SDCBP: variants seen among roughly 807,000 people sequenced by gnomAD.
SDCBP encodes syndecan binding protein, also known as syntenin-1.
SDCBP carries 22 observed loss-of-function variants against 30.5 expected under a neutral mutation model. That is an observed-to-expected ratio of 0.72 (90% confidence interval 0.52 to 1.03). The LOEUF (loss-of-function observed/expected upper bound fraction) is 1.03, where lower values mean the gene tolerates loss of function less well. Among genes scored for constraint, SDCBP ranks in the 50% least tolerant of loss-of-function variants. SDCBP has a pLI of 0.00. For synonymous variants in SDCBP, 103 were observed against 118.7 expected, an observed-to-expected ratio of 0.87 and a Z score of 0.86; for missense variants, 304 against 369.9, an observed-to-expected ratio of 0.82 and a Z score of 1.46.
rs1244697466 is a variant in SDCBP, at chr8:58,582,566, C to G, written c.*826C>G. The stretch of plus-strand genomic sequence containing the variant: ...CCAGTGCCACTTTTAAGAAGTGAAT[C>G]ACTATATGTGATGTAAAAGTTATTA... On this transcript the variant is annotated 3_prime_UTR_variant, in exon 9 of 9. Transcript: ENST00000260130. 6.5e-6 allele frequency: 1 copy of G among 152,676 alleles called. No individual in the cohort carries two copies. The highest frequency in any genetic ancestry group is 1.9e-4 in the East Asian group (1 of 5,186). The allele number at this position is 152,676 out of a possible 1,614,324, so 9.5% of individuals were successfully genotyped here.
At position 58,557,607 on chromosome 8, in the gene SDCBP, G is replaced by A. The variant is rs888904272; in HGVS notation, c.-16+4304G>A. Reference sequence around the variant, plus strand: ...AAACTATTTGTGAGTTACTTCTGAGGCCTGAGATACATTGGGTGTAGGGGC... The same window carrying A: ...AAACTATTTGTGAGTTACTTCTGAGACCTGAGATACATTGGGTGTAGGGGC... On this transcript the variant is annotated intron_variant, in intron 1 of 8. Transcript: ENST00000260130. 7.3e-5 allele frequency among the ~76,000 whole-genome samples: 11 copies of A among 151,650 alleles called. No homozygotes were observed. In the South Asian group the frequency reaches 2.3e-3, roughly 31 times the overall value.
chr8:58,580,795 G>C (rs765838664), intron 8 of SDCBP, among the ~76,000 whole-genome samples, 187 bp downstream of exon 8: 2 of 152,070 alleles, frequency 1.3e-5, no homozygotes, highest in East Asian at 3.9e-4. Context: ...TCCCAAGTAC[G>C]GAATAAAATT....
intron 2 of SDCBP, among the ~76,000 whole-genome samples, chr8:58,569,539 TGTC>T (rs1563510022): frequency 6.6e-6 from 1 of 152,254 alleles, no homozygotes; most frequent in Non-Finnish European, 1.5e-5. Context: ...TTTTTCAAAA[TGTC>T]GTATAGTTGG....
intron 1 of SDCBP, among the ~76,000 whole-genome samples, chr8:58,564,047 T>C (rs1239964361): frequency 6.6e-6 from 1 of 152,188 alleles, no homozygotes; most frequent in Non-Finnish European, 1.5e-5. Context: ...GAGTAGTACG[T>C]TGGAACCATG....
intron 4 of SDCBP, among the ~76,000 whole-genome samples, chr8:58,574,860 T>C (rs1001227762): frequency 1.3e-5 from 2 of 152,230 alleles, no homozygotes; most frequent in African/African-American, 4.8e-5. Flanking sequence ...TACATTTCTT[T>C]TGGTGTGTGG....
At chr8:58,562,958 T>A (rs1406882472) in intron 1 of SDCBP, among the ~76,000 whole-genome samples, 1 of 152,192 alleles carries the variant, frequency 6.6e-6, no homozygotes, top group Non-Finnish European at 1.5e-5. Context: ...GTCTGAATGT[T>A]TGTGACTGTG....
At chr8:58,557,439 CATATAATACATATT>C (rs1186447328) in intron 1 of SDCBP, among the ~76,000 whole-genome samples, 6 of 129,142 alleles carry the variant, frequency 4.6e-5, no homozygotes, top group Non-Finnish European at 6.3e-5. Context: ...ATATATAATA[CATATAATACATATT>C]ATATAATACA....
At position 58,575,882 on chromosome 8, in the gene SDCBP, T is replaced by C. The variant is rs199505900; in HGVS notation, c.241-18T>C. 180 of 1,587,574 alleles carry C rather than the reference T, an allele frequency of 1.1e-4. 1 individual carries two copies. The highest frequency in any genetic ancestry group is 1.5e-4 in the Non-Finnish European group (178 of 1,161,302). ...AGAGTGTTTCTAGATATTGACACAT[T>C]GTATATGGTTTTGTCAGCAGTTGGT... On this transcript the variant is annotated intron_variant, in intron 4 of 8. Transcript: ENST00000260130.
Position 58,581,779 on chromosome 8 carries a change from G to T in SDCBP, c.*39G>T. ...ATGGAAATGTAGCTGAACGTCTCCAGTTTCCTTCTTTGGCAACTTCTGTAT... is the reference window on the plus strand; with the variant it reads ...ATGGAAATGTAGCTGAACGTCTCCATTTTCCTTCTTTGGCAACTTCTGTAT... On this transcript the variant is annotated 3_prime_UTR_variant, in exon 9 of 9. Coordinates refer to ENST00000260130, the MANE Select transcript of SDCBP (RefSeq NM_005625.4). 6.3e-7 allele frequency: 1 copy of T among 1,582,464 alleles called. No homozygotes were observed. Among genetic ancestry groups the T allele is most frequent in the Non-Finnish European group, 8.7e-7 (1 of 1,152,980 alleles).
intron 1 of SDCBP, chr8:58,560,191 ATG>A (rs2129607395): frequency 6.6e-6 from 1 of 152,372 alleles, no homozygotes; most frequent in African/African-American, 2.4e-5. Context: ...AAGAGTTGGA[ATG>A]TGTGTCCAGT....
At position 58,572,243 on chromosome 8, in the gene SDCBP, A is replaced by T. The variant is rs771363713; in HGVS notation, c.169A>T (p.Met57Leu). 13 of 1,611,992 alleles carry T rather than the reference A, an allele frequency of 8.1e-6. No individual in the cohort carries two copies. The highest frequency in any genetic ancestry group is 8.5e-7 in the Non-Finnish European group (1 of 1,179,562). The part of the protein sequence containing the change: ...PRLYPELSQY[M>L]GLSLNEEEIR... ...ACTGTATCCAGAGCTCTCTCAATACATGGGGCTGAGTTTAAATGAAGAAGA... is the reference window on the plus strand; with the variant it reads ...ACTGTATCCAGAGCTCTCTCAATACTTGGGGCTGAGTTTAAATGAAGAAGA... The change falls in exon 4 of 9, where the codon ATG becomes TTG. Residue 57 changes from methionine to leucine, a missense_variant. Physicochemically the swap from Met to Leu is conservative, Grantham distance 15 (BLOSUM62 2). Transcript: ENST00000260130.
At chr8:58,577,753 G>A (rs529728933) in intron 5 of SDCBP, among the ~76,000 whole-genome samples, 2 of 152,212 alleles carry the variant, frequency 1.3e-5, no homozygotes, top group African/African-American at 4.8e-5. Context: ...TTGAAGGGGG[G>A]GATTGTGGTT....
chr8:58,569,376 T>G (rs1171020231), intron 2 of SDCBP, among the ~76,000 whole-genome samples: 1 of 149,364 alleles, frequency 6.7e-6, no homozygotes. Flanking sequence ...CCAAAACAAT[T>G]TTTTGCATAG....
chr8:58,553,270 AGGC>A lies in SDCBP; in HGVS notation c.-38_-36del, dbSNP rs1236322360. On this transcript the variant is annotated 5_prime_UTR_variant, in exon 1 of 9. Transcript: ENST00000260130. ...CTCAGAAGTCCGTGCCAGTGACCGG[AGGC>A]GGCGGCGGCGAGCGGTTCCTTGTGG... 2.0e-5 allele frequency: 3 copies of A among 153,808 alleles called. No individual in the cohort carries two copies. The highest frequency in any genetic ancestry group is 4.3e-5 in the Non-Finnish European group (3 of 69,470). 9.5% of individuals were successfully genotyped at this position (153,808 alleles called of 1,614,324 possible). A position where few individuals can be genotyped will look rare whatever the true frequency, so the allele number is the denominator to read the frequency against.
chr8:58,557,372 A>G (rs1456093558), intron 1 of SDCBP, among the ~76,000 whole-genome samples: 3 of 133,676 alleles, frequency 2.2e-5, no homozygotes, highest in African/African-American at 8.5e-5. Flanking sequence ...AAAAATATAT[A>G]AATATAAAAA....
At chr8:58,569,688 A>G (rs1466674093) in intron 2 of SDCBP, among the ~76,000 whole-genome samples, 3 of 151,668 alleles carry the variant, frequency 2.0e-5, no homozygotes, top group African/African-American at 7.3e-5. Flanking sequence ...TTTGTTAGAC[A>G]TGATTCAAGA....
At chr8:58,555,768 G>A (rs1204988535) in intron 1 of SDCBP, among the ~76,000 whole-genome samples, 2 of 148,896 alleles carry the variant, frequency 1.3e-5, no homozygotes, top group African/African-American at 4.9e-5. Context: ...TTTTTTTTTA[G>A]AGATGGAATC....
At chr8:58,576,122 GT>G (rs1805302512) in intron 5 of SDCBP, 61 bp downstream of exon 5, 3 of 1,213,276 alleles carry the variant, frequency 2.5e-6, no homozygotes, top group Non-Finnish European at 3.5e-6. Flanking sequence ...AGTGATTAAT[GT>G]TAAAATAATT....
chr8:58,562,280 G>A (rs1804480795), intron 1 of SDCBP, among the ~76,000 whole-genome samples: 1 of 152,088 alleles, frequency 6.6e-6, no homozygotes, highest in African/African-American at 2.4e-5. Context: ...GCTATACCCA[G>A]TTTATAAGAG....
Sources: gnomAD v4.1 joint callset for allele counts (sites outside exome capture counted in the v4.1 genomes callset) on GRCh38, gnomAD v4.1.1 for gene constraint, MANE v1.5 for transcripts, NCBI Gene and HGNC (gene_info 2026-07-23, HGNC 2026-07-21) for gene names.